The following APC variants were observed in gnomAD, a reference collection of about 807,000 sequenced individuals.
APC encodes the protein APC regulator of Wnt signaling pathway.
Under a neutral mutation model 247.0 loss-of-function variants are expected in APC, and 72 were observed. The ratio of observed to expected loss-of-function variants is 0.29; its 90% CI spans 0.24 to 0.35. The LOEUF (loss-of-function observed/expected upper bound fraction) is 0.35. Among genes scored for constraint, APC ranks in the 10% least tolerant of loss-of-function variants. The probability of loss-of-function intolerance (pLI) is 1.00; values close to 1 mark genes in which losing one functional copy is unlikely to be tolerated. For synonymous variants in APC, 1,254 were observed against 1,162.5 expected (o/e 1.08, Z -1.60); for missense variants, 3,400 against 3,360.7 (o/e 1.01, Z -0.29).
At chr5:112,833,180 A>ATTT (rs35482005) in intron 14 of APC, among the ~76,000 whole-genome samples, 3 of 122,226 alleles carry the variant, frequency 2.5e-5, no homozygotes, top group Admixed American at 8.7e-5. Context: ...TGCCTGGCTA[A>ATTT]TTTTTTTTTT....
intron 14 of APC, 70 bp downstream of exon 14, chr5:112,829,042 GC>G: frequency 9.5e-7 from 1 of 1,051,646 alleles, no homozygotes; most frequent in Non-Finnish European, 1.5e-6. Context: ...CCTTCTTTTA[GC>G]CATGAGATTT....
Position 112,828,858 on chromosome 5 carries a change from T to C in APC, c.1629T>C (p.Val543=), listed in dbSNP as rs779848042. 1.2e-6 allele frequency: 2 copies of C among 1,603,334 alleles called. No individual in the cohort carries two copies. Among genetic ancestry groups the C allele is most frequent in the East Asian group, 4.5e-5 (2 of 44,750 alleles). Residue 543 remains valine, a splice_region_variant and synonymous_variant, in exon 14 of 16, where the codon GTT becomes GTC. Coordinates refer to ENST00000257430, the MANE Select transcript of APC (RefSeq NM_000038.6). ...LKSESEDLQQ[V]IASVLRNLSW... ...ATCTAAAATTGATTAATTTGCAGGT[T>C]ATTGCGAGTGTTTTGAGGAATTTGT...
intron 2 of APC, among the ~76,000 whole-genome samples, chr5:112,759,465 C>T (rs574497131): frequency 1.4e-5 from 2 of 148,128 alleles, no homozygotes; most frequent in East Asian, 4.1e-4. Flanking sequence ...TCAAGCTAAT[C>T]TCCTGCCTCA....
intron 1 of APC, among the ~76,000 whole-genome samples, chr5:112,727,949 T>TA (rs35080996): frequency 0.15 from 22,285 of 148,892 alleles, 1,705 homozygotes; most frequent in Non-Finnish European, 0.18. Flanking sequence ...ACATTTAACT[T>TA]AAAAAAAAAA....
At position 112,827,955 on chromosome 5, in the gene APC, C is replaced by T. The variant is rs2149813460; in HGVS notation, c.1575C>T (p.Cys525=). ...NKATLCSMKG[C]MRALVAQLKS... The stretch of plus-strand genomic sequence containing the variant: ...CTACGCTATGCTCTATGAAAGGCTG[C>T]ATGAGAGCACTTGTGGCCCAACTAA... Residue 525 remains cysteine, a synonymous_variant, in exon 13 of 16, where the codon TGC becomes TGT. Coordinates refer to ENST00000257430, the MANE Select transcript of APC (RefSeq NM_000038.6). 6.2e-7 allele frequency: 1 copy of T among 1,613,172 alleles called. No individual in the cohort carries two copies. Among genetic ancestry groups the T allele is most frequent in the Non-Finnish European group, 8.5e-7 (1 of 1,179,722 alleles).
chr5:112,819,792 C>A (rs1397919025), intron 10 of APC, among the ~76,000 whole-genome samples: 2 of 152,134 alleles, frequency 1.3e-5, no homozygotes, highest in Non-Finnish European at 2.9e-5. Context: ...GTTATTTGCT[C>A]CTCACATCAA....
rs150403293 is a variant in APC, at chr5:112,800,832, C to CATAT, written c.730-434_730-431dup. 4.0e-5 allele frequency among the ~76,000 whole-genome samples: 6 copies of CATAT among 149,206 alleles called. No homozygotes were observed. In the South Asian group the frequency reaches 8.4e-4, roughly 21 times the overall value. ...CACCTAACTTTTATTAGAAGATATA[C>CATAT]ATATATATATATATATTCTATGTGA... On this transcript the variant is annotated intron_variant, in intron 7 of 15. Coordinates refer to ENST00000257430, the MANE Select transcript of APC (RefSeq NM_000038.6).
At chr5:112,749,479 A>ATT (rs536428390) in intron 1 of APC, among the ~76,000 whole-genome samples, 7,147 of 103,958 alleles carry the variant, frequency 0.069, 496 homozygotes, top group East Asian at 0.085. Context: ...TACTGCTCCA[A>ATT]TTTTTTTTTT....
At chr5:112,780,769 T>C (rs1236531780) in intron 5 of APC, 21 bp from the exon 6 acceptor site, 2 of 1,528,808 alleles carry the variant, frequency 1.3e-6, no homozygotes, top group African/African-American at 1.4e-5. Flanking sequence ...ATTGATACTT[T>C]TTTATTATTT....
intron 6 of APC, chr5:112,783,765 CAAAAAAAAAA>C (rs77929348): frequency 2.5e-5 from 5 of 198,094 alleles, no homozygotes; most frequent in South Asian, 9.4e-5. Flanking sequence ...CCACTGCACT[CAAAAAAAAAA>C]AAAAAAAAAG....
At chr5:112,762,207 ATGT>A (rs1755752108) in intron 2 of APC, among the ~76,000 whole-genome samples, 1 of 152,220 alleles carries the variant, frequency 6.6e-6, no homozygotes, top group Non-Finnish European at 1.5e-5. Flanking sequence ...CAAATGACTG[ATGT>A]TTAAAAGACT....
intron 1 of APC, among the ~76,000 whole-genome samples, chr5:112,743,648 G>A (rs1405055495): frequency 3.9e-5 from 6 of 152,184 alleles, no homozygotes. Context: ...GTCTGTAATA[G>A]AAACTGAGAA....
intron 6 of APC, among the ~76,000 whole-genome samples, chr5:112,791,592 T>C (rs1205957872): frequency 6.6e-6 from 1 of 152,150 alleles, no homozygotes; most frequent in Non-Finnish European, 1.5e-5. Context: ...AGTTTTATCC[T>C]GAGACTTCCC....
chr5:112,779,930 C>T (rs1023797445), intron 5 of APC, among the ~76,000 whole-genome samples: 2 of 152,154 alleles, frequency 1.3e-5, no homozygotes, highest in Non-Finnish European at 2.9e-5. Context: ...AGATATATGT[C>T]ATATACAGTT....
intron 1 of APC, among the ~76,000 whole-genome samples, chr5:112,720,067 C>G (rs1027521816): frequency 1.3e-5 from 2 of 152,154 alleles, no homozygotes; most frequent in Non-Finnish European, 2.9e-5. Flanking sequence ...TCTAGGCAAA[C>G]TAAGCTATGG....
chr5:112,835,709 A>G (rs1764816344), intron 15 of APC, among the ~76,000 whole-genome samples: 1 of 151,496 alleles, frequency 6.6e-6, no homozygotes, highest in African/African-American at 2.4e-5. Flanking sequence ...ACAAGCTGGG[A>G]CTACAGATGC....
At chr5:112,731,789 T>C (rs1752112168) in intron 1 of APC, among the ~76,000 whole-genome samples, 1 of 152,214 alleles carries the variant, frequency 6.6e-6, no homozygotes, top group African/African-American at 2.4e-5. Flanking sequence ...TTAGACAGAG[T>C]CTTGCTCTGT....
chr5:112,739,212 T>C (rs1752690480), intron 1 of APC, among the ~76,000 whole-genome samples: 3 of 152,336 alleles, frequency 2.0e-5, no homozygotes, highest in Non-Finnish European at 4.4e-5. Context: ...AGATATACTC[T>C]TGATATAAAG....
chr5:112,839,232 C>T lies in APC; in HGVS notation c.3638C>T (p.Ser1213Leu), dbSNP rs1554085199. The T allele has an allele frequency of 6.2e-7, 1 of 1,614,166 alleles. No homozygotes were observed. The part of the protein sequence containing the change: ...GQSSKTEHMS[S>L]SSENTSTPSS... Reference sequence around the variant, plus strand: ...AGCAGTAAAACCGAACATATGTCTTCAAGCAGTGAGAATACGTCCACACCT... The same window carrying T: ...AGCAGTAAAACCGAACATATGTCTTTAAGCAGTGAGAATACGTCCACACCT... The change falls in exon 16 of 16, where the codon TCA becomes TTA. Residue 1213 changes from serine to leucine, a missense_variant. Physicochemically the swap from Ser to Leu is moderately radical, Grantham distance 145. Around this residue, in one of 9 missense-constraint regions of APC, gnomAD observed 715 missense variants for 656.6 expected, o/e 1.09. Coordinates refer to ENST00000257430, the MANE Select transcript of APC (RefSeq NM_000038.6). This position sits in a 1 kb window ranked among gnomAD's most constrained non-coding sequence, Gnocchi z 5.0.
Sources: allele counts gnomAD v4.1 joint callset (sites outside exome capture counted in the v4.1 genomes callset), GRCh38; gene constraint gnomAD v4.1.1; regional missense constraint gnomAD v4.1.1; non-coding constraint Gnocchi (gnomAD v3.1); transcripts MANE v1.5; gene names NCBI Gene and HGNC (gene_info 2026-07-23, HGNC 2026-07-21).